The following PDE10A variants were observed in gnomAD, a reference collection of about 807,000 sequenced individuals.
PDE10A encodes the protein cAMP and cAMP-inhibited cGMP 3',5'-cyclic phosphodiesterase 10A.
A neutral mutation model predicts 97.7 loss-of-function variants in PDE10A; 39 were observed. The observed-to-expected ratio is 0.40, with a 90% confidence interval of 0.31 to 0.52. The LOEUF (loss-of-function observed/expected upper bound fraction) is 0.52. PDE10A is among the 20% of genes least tolerant of loss of function. The pLI, the probability that PDE10A is intolerant of heterozygous loss-of-function variation, is 0.56. For missense variants in PDE10A, 731 were observed against 1,047.8 expected (o/e 0.70, Z 4.17); for synonymous variants, 371 against 376.8 (o/e 0.98, Z 0.18).
intron 1 of PDE10A, among the ~76,000 whole-genome samples, chr6:165,609,001 G>A (rs1787362990): frequency 6.6e-6 from 1 of 152,132 alleles, no homozygotes; most frequent in Admixed American, 6.6e-5. Context: ...GTAGATTCTG[G>A]ATATTAGCCC....
chr6:165,772,670 C>A (rs560010436), intron 1 of PDE10A, among the ~76,000 whole-genome samples: 37 of 152,236 alleles, frequency 2.4e-4, no homozygotes, highest in African/African-American at 8.9e-4. Context: ...TTAATTAGTA[C>A]TTTATTTTCC....
At chr6:165,625,311 G>A (rs2128411548) in intron 1 of PDE10A, among the ~76,000 whole-genome samples, 1 of 152,350 alleles carries the variant, frequency 6.6e-6, no homozygotes, top group East Asian at 1.9e-4. Flanking sequence ...GTCCAGGAAT[G>A]GGCTGCAGGC....
chr6:165,628,303 C>T (rs1378017074), intron 1 of PDE10A, among the ~76,000 whole-genome samples: 1 of 152,102 alleles, frequency 6.6e-6, no homozygotes, highest in Non-Finnish European at 1.5e-5. Flanking sequence ...AAAGGCTTAG[C>T]ACAGTGCCTA....
rs150980123 is a variant in PDE10A at position 165,582,739 on chromosome 6, C to T, written c.866-39171G>A. Among the ~76,000 whole-genome samples, 790 of 151,660 alleles carry T rather than the reference C, an allele frequency of 5.2e-3. 3 individuals are homozygous for T. Among genetic ancestry groups the T allele is most frequent in the African/African-American group, 0.018 (739 of 41,410 alleles). ...ACCTTGTCTTGTTTTTTAATCAAGACAAGTATAGATGACTCTCTATTTACG... is the reference window on the plus strand; with the variant it reads ...ACCTTGTCTTGTTTTTTAATCAAGATAAGTATAGATGACTCTCTATTTACG... On this transcript the variant is annotated intron_variant, in intron 1 of 21. Transcript: ENST00000539869.
chr6:165,919,622 C>T (rs1448861749), intron 1 of PDE10A, among the ~76,000 whole-genome samples: 2 of 152,142 alleles, frequency 1.3e-5, no homozygotes, highest in African/African-American at 2.4e-5. Flanking sequence ...TATTTACAGC[C>T]CTTTGAGCAT....
chr6:165,377,180 C>A (rs1289384328), intron 18 of PDE10A, among the ~76,000 whole-genome samples: 1 of 151,996 alleles, frequency 6.6e-6, no homozygotes, highest in Non-Finnish European at 1.5e-5. Flanking sequence ...CACTGGGAAA[C>A]CAAAAAGTTT....
In PDE10A at chr6:165,760,274, C is replaced by T. The variant is rs547217444; in HGVS notation, c.-614-216706G>A. Among the ~76,000 whole-genome samples, 4 of 152,172 alleles carry T rather than the reference C, an allele frequency of 2.6e-5. No individual in the cohort carries two copies. The South Asian group carries it at 8.3e-4, about 32-fold the overall frequency. ...ATTATTCCTACACTATCTGGCAAGC[C>T]TAGAATTGAAAGTGATTTGAAGCCT... On this transcript the variant is annotated intron_variant, in intron 1 of 19. Coordinates refer to the PDE10A transcript ENST00000366882.
chr6:165,536,195 G>T (rs190364161), intron 2 of PDE10A, among the ~76,000 whole-genome samples: 1 of 151,812 alleles, frequency 6.6e-6, no homozygotes, highest in Admixed American at 6.6e-5. Context: ...TGACAAGGAC[G>T]CCAAGAACAT....
At chr6:165,832,587 C>T (rs887041400) in intron 1 of PDE10A, among the ~76,000 whole-genome samples, 27 of 152,274 alleles carry the variant, frequency 1.8e-4, no homozygotes, top group Admixed American at 1.0e-3. Flanking sequence ...CTTCGAGCTC[C>T]GCTGCCTTCT....
At chr6:165,788,003 A>T (rs1778540307) in intron 1 of PDE10A, among the ~76,000 whole-genome samples, 1 of 152,214 alleles carries the variant, frequency 6.6e-6, no homozygotes, top group Non-Finnish European at 1.5e-5. Flanking sequence ...TGAGAGTGTG[A>T]TGTATAGACA....
chr6:165,506,604 A>C (rs7748128), intron 2 of PDE10A, among the ~76,000 whole-genome samples: 2,743 of 152,262 alleles, frequency 0.018, 73 homozygotes, highest in African/African-American at 0.063. Flanking sequence ...TCTTGAGAAT[A>C]TATCTTTGAT....
At chr6:165,469,536 A>G (rs1469499574) in intron 3 of PDE10A, among the ~76,000 whole-genome samples, 1 of 152,232 alleles carries the variant, frequency 6.6e-6, no homozygotes, top group Non-Finnish European at 1.5e-5. Flanking sequence ...CATAAATTTG[A>G]ATGCCTGAAG....
chr6:165,573,698 A>G (rs955576185), intron 1 of PDE10A, among the ~76,000 whole-genome samples: 10 of 152,360 alleles, frequency 6.6e-5, no homozygotes, highest in African/African-American at 2.4e-4. Flanking sequence ...TATTTCTGCC[A>G]AACAATTCAG....
chr6:165,839,896 T>TCCCCATCCTATCTCCAATTCA (rs1562762551), intron 1 of PDE10A, among the ~76,000 whole-genome samples: 1 of 151,390 alleles, frequency 6.6e-6, no homozygotes, highest in African/African-American at 2.4e-5. Context: ...TCCATCCCCA[T>TCCCCATCCTATCTCCAATTCA]TCCCATCTCC....
intron 1 of PDE10A, among the ~76,000 whole-genome samples, chr6:165,864,782 C>A (rs1477639934): frequency 6.6e-6 from 1 of 152,006 alleles, no homozygotes; most frequent in African/African-American, 2.4e-5. Context: ...AATAGTTAAA[C>A]GAATTATGGC....
intron 1 of PDE10A, among the ~76,000 whole-genome samples, chr6:165,782,279 C>T (rs1014236282): frequency 2.6e-5 from 4 of 152,204 alleles, no homozygotes; most frequent in Admixed American, 2.0e-4. Flanking sequence ...TTTATTGCTT[C>T]AGAGAAATAG....
At chr6:165,589,021 A>C (rs1316861025) in intron 1 of PDE10A, among the ~76,000 whole-genome samples, 5 of 152,226 alleles carry the variant, frequency 3.3e-5, no homozygotes, top group East Asian at 1.9e-4. Flanking sequence ...AGTTCTTTTC[A>C]AATCAGCCAT....
intron 1 of PDE10A, among the ~76,000 whole-genome samples, chr6:165,881,726 C>T (rs563368055): frequency 1.3e-5 from 2 of 151,984 alleles, no homozygotes; most frequent in South Asian, 4.2e-4. Flanking sequence ...GTCAGCCTCC[C>T]CCAGGTTGCA....
chr6:165,821,562 G>A (rs370482063), intron 1 of PDE10A, among the ~76,000 whole-genome samples: 69 of 152,028 alleles, frequency 4.5e-4, no homozygotes, highest in Middle Eastern at 6.8e-3. Context: ...TCCTCCAGGC[G>A]GGAGTGCAGT....
Sources: gnomAD v4.1 joint callset for allele counts (sites outside exome capture counted in the v4.1 genomes callset) on GRCh38, gnomAD v4.1.1 for gene constraint, MANE v1.5 for transcripts, NCBI Gene and HGNC (gene_info 2026-07-23, HGNC 2026-07-21) for gene names.